The following ZSWIM8 variants were observed in gnomAD, a reference collection of about 807,000 sequenced individuals.
ZSWIM8 encodes the protein zinc finger SWIM domain-containing protein 8.
In ZSWIM8, 27 loss-of-function variants were observed where a neutral mutation model predicts 173.7. The ratio of observed to expected loss-of-function variants is 0.16; its 90% confidence interval spans 0.11 to 0.21. The LOEUF (loss-of-function observed/expected upper bound fraction) is 0.21. ZSWIM8 is among the 10% of genes least tolerant of loss of function. ZSWIM8 has a pLI of 1.00. For missense variants in ZSWIM8, 1,627 were observed against 2,428.8 expected (o/e 0.67, Z 6.94); for synonymous variants, 958 against 962.0 (o/e 1.00, Z 0.08).
chr10:73,796,403 G>A (rs1213238571), intron 15 of ZSWIM8: 2 of 410,310 alleles, frequency 4.9e-6, no homozygotes, highest in Admixed American at 3.5e-5. Flanking sequence ...GCCCATAGGA[G>A]GTAAGTAGGG....
Position 73,792,670 on chromosome 10 carries a change from G to A in ZSWIM8, c.2131G>A (p.Gly711Arg), listed in dbSNP as rs1445038558. ...CCCTTCTACAGATGAGAGTGGCAAT[G>A]GGCTTCCCAAAACCAAAGAGGCAGC... is the stretch of plus-strand genomic sequence containing the variant. Reference protein sequence around the residue: ...DLPSTDESGNGLPKTKEAAPA... With the variant: ...DLPSTDESGNRLPKTKEAAPA... The change falls in exon 10 of 26, where the codon GGG becomes AGG. Residue 711 changes from glycine (G) to arginine (R), a missense_variant. Gly to Arg is a moderately radical substitution (Grantham distance 125, BLOSUM62 -2). Transcript: ENST00000604729. This position sits in a 1 kb window ranked among gnomAD's most constrained non-coding sequence, Gnocchi z 4.3. 12 of 1,614,022 alleles carry A rather than the reference G, an allele frequency of 7.4e-6. No homozygotes were observed. The highest frequency in any genetic ancestry group is 2.2e-5 in the East Asian group (1 of 44,884).
Position 73,791,050 on chromosome 10 carries a change from G to A in ZSWIM8, c.1017G>A (p.Leu339=). The part of the protein sequence containing the change: ...AAEWACLLRP[L]RGREPEGVWN... ...AATGGGCATGTCTGCTGCGCCCTCT[G>A]AGGGGCCGTGAGCCAGAGGGCGTCT... The change falls in exon 8 of 26, where the codon CTG becomes CTA. Residue 339 remains leucine (L), a synonymous_variant. Transcript: ENST00000604729. This position sits in a 1 kb window ranked among gnomAD's most constrained non-coding sequence, Gnocchi z 6.0. The A allele has an allele frequency of 6.2e-7, 1 of 1,613,902 alleles. No individual in the cohort carries two copies. Among genetic ancestry groups the A allele is most frequent in the Non-Finnish European group, 8.5e-7 (1 of 1,179,894 alleles).
Position 73,796,999 on chromosome 10 carries a change from GAGA to G in ZSWIM8, c.3264_3266del (p.Lys1088del), listed in dbSNP as rs752318707. ...GCCAGGCCCCACTGAGGGCTTCACA[GAGA>G]AGAATGTGCCTGGTGAGGTGGGGGC... On this transcript the variant is annotated inframe_deletion, in exon 16 of 26. Coordinates refer to ENST00000604729, the MANE Select transcript of ZSWIM8 (RefSeq NM_001367799.1). 2 of 1,611,066 alleles carry G rather than the reference GAGA, an allele frequency of 1.2e-6. No homozygotes were observed. The highest frequency in any genetic ancestry group is 4.5e-5 in the East Asian group (2 of 44,812).
chr10:73,797,168 A>G lies in ZSWIM8; in HGVS notation c.3330A>G (p.Pro1110=). Residue 1110 remains proline, a synonymous_variant, in exon 17 of 26, where the codon CCA becomes CCG. Transcript: ENST00000604729. This position sits in a 1 kb window ranked among gnomAD's most constrained non-coding sequence, Gnocchi z 5.6. ...EGLPSEAALT[P]RPEGKVPSRL... ...TTCCATCTGAGGCAGCTTTGACCCCAAGGCCAGAAGGGAAGGTTCCTAGCC... is the reference window on the plus strand; with the variant it reads ...TTCCATCTGAGGCAGCTTTGACCCCGAGGCCAGAAGGGAAGGTTCCTAGCC... The G allele has an allele frequency of 6.2e-7, 1 of 1,613,874 alleles. No individual in the cohort carries two copies. The highest frequency in any genetic ancestry group is 1.6e-4 in the Middle Eastern group (1 of 6,062).
Position 73,792,533 on chromosome 10 carries a change from A to G in ZSWIM8, c.1994A>G (p.Asp665Gly), listed in dbSNP as rs1406040169. Residue 665 changes from aspartate to glycine, a missense_variant, in exon 10 of 26, where the codon GAT becomes GGT. By Grantham distance (94) the Asp-to-Gly change is moderately conservative. This residue lies in a region of ZSWIM8 where 383 missense variants were observed against 394.8 expected (regional missense o/e 0.97). Transcript: ENST00000604729. This position sits in a 1 kb window ranked among gnomAD's most constrained non-coding sequence, Gnocchi z 4.3. ...TCCACTTTCCTTCCTGAGCCCCCAGATACTTATGAAGAAGATGGTGGTGTG... is the reference window on the plus strand; with the variant it reads ...TCCACTTTCCTTCCTGAGCCCCCAGGTACTTATGAAGAAGATGGTGGTGTG... ...GPSTFLPEPP[D>G]TYEEDGGVYF... The G allele has an allele frequency of 1.9e-6, 3 of 1,613,828 alleles. No individual in the cohort carries two copies. The highest frequency in any genetic ancestry group is 2.5e-6 in the Non-Finnish European group (3 of 1,179,866).
intron 19 of ZSWIM8, 48 bp from the exon 20 acceptor site, chr10:73,798,182 G>C (rs375595579): frequency 1.2e-6 from 2 of 1,606,946 alleles, no homozygotes; most frequent in African/African-American, 1.3e-5. Context: ...TCACACCCCA[G>C]TGGTGCCCAC....
intron 1 of ZSWIM8, among the ~76,000 whole-genome samples, chr10:73,788,268 A>T (rs3911887): frequency 6.6e-6 from 1 of 151,458 alleles, no homozygotes; most frequent in Non-Finnish European, 1.5e-5. Context: ...GCAATCGGAG[A>T]CAAGAATGCC....
chr10:73,785,803 C>T lies in ZSWIM8; in HGVS notation c.-76C>T, dbSNP rs1300227828. On this transcript the variant is annotated 5_prime_UTR_variant, in exon 1 of 26. Transcript: ENST00000604729. ...CCGGCTCGCCCCTCAGGCCCCGGGC[C>T]TCCCCTCAACCCCCGGCCGGCGGCC... 1 of 1,446,050 alleles carries T rather than the reference C, an allele frequency of 6.9e-7. No homozygotes were observed. Among genetic ancestry groups the T allele is most frequent in the Non-Finnish European group, 9.2e-7 (1 of 1,087,592 alleles). 89.6% of individuals were successfully genotyped at this position (1,446,050 alleles called of 1,614,324 possible). A position where few individuals can be genotyped will look rare whatever the true frequency, so the allele number is the denominator to read the frequency against.
chr10:73,799,679 C>T, intron 21 of ZSWIM8, 189 bp downstream of exon 21: 1 of 830,652 alleles, frequency 1.2e-6, no homozygotes, highest in Non-Finnish European at 1.9e-6. Context: ...GCCTGTAATC[C>T]CAGCACTTTG....
chr10:73,789,907 G>A lies in ZSWIM8; in HGVS notation c.739-49G>A. The A allele has an allele frequency of 1.3e-6, 2 of 1,595,180 alleles. No homozygotes were observed. Among genetic ancestry groups the A allele is most frequent in the East Asian group, 2.3e-5 (1 of 43,974 alleles). On this transcript the variant is annotated intron_variant, in intron 5 of 25. Coordinates refer to ENST00000604729, the MANE Select transcript of ZSWIM8 (RefSeq NM_001367799.1). This position sits in a 1 kb window ranked among gnomAD's most constrained non-coding sequence, Gnocchi z 6.8. ...CTTCCTGTTAGGCCCAGGCCTCCAT[G>A]GGTTCACCTAGGCCGTGTTCTGCCT...
chr10:73,799,601 AGGT>A lies in ZSWIM8; in HGVS notation c.4665+117_4665+119del, dbSNP rs1487203939. The A allele has an allele frequency of 4.9e-6, 7 of 1,437,532 alleles. No homozygotes were observed. In the African/African-American group the frequency reaches 7.1e-5, roughly 14 times the overall value. 89.0% of individuals were successfully genotyped at this position (1,437,532 alleles called of 1,614,324 possible). A position where few individuals can be genotyped will look rare whatever the true frequency, so the allele number is the denominator to read the frequency against. On this transcript the variant is annotated intron_variant, in intron 21 of 25. Coordinates refer to ENST00000604729, the MANE Select transcript of ZSWIM8 (RefSeq NM_001367799.1). ...ATTGGTCAGTCGGAGAGTCCTGGTG[AGGT>A]GGTGGGAGTCTGGGGGACCCAGCCC...
Position 73,789,199 on chromosome 10 carries a change from G to A in ZSWIM8, c.457+9G>A, listed in dbSNP as rs1310755046. ...GGACCCATTGCAGATAGGTGAGTGG[G>A]CCATCATGCCATGTGGCACATCCTG... is the stretch of plus-strand genomic sequence containing the variant. On this transcript the variant is annotated intron_variant, in intron 3 of 25. Transcript: ENST00000604729. The surrounding 1 kb of genome is among the most constrained non-coding windows in gnomAD (Gnocchi z 6.8). The A allele has an allele frequency of 6.2e-7, 1 of 1,613,808 alleles. No homozygotes were observed. Among genetic ancestry groups the A allele is most frequent in the Middle Eastern group, 1.6e-4 (1 of 6,062 alleles).
chr10:73,797,957 G>A lies in ZSWIM8; in HGVS notation c.3839G>A (p.Arg1280His), dbSNP rs2132780400. Residue 1280 changes from arginine (R) to histidine (H), a missense_variant, in exon 19 of 26, where the codon CGC becomes CAC. Physicochemically the swap from Arg to His is conservative, Grantham distance 29. Coordinates refer to ENST00000604729, the MANE Select transcript of ZSWIM8 (RefSeq NM_001367799.1). This position sits in a 1 kb window ranked among gnomAD's most constrained non-coding sequence, Gnocchi z 5.6. The stretch of plus-strand genomic sequence containing the variant: ...TCAGGGGGCCACCAGGGTCCTCACC[G>A]CAACCTGCACCTTTGCGCCTTCGAG... Reference protein sequence around the residue: ...SSSGGHQGPHRNLHLCAFEIG... With the variant: ...SSSGGHQGPHHNLHLCAFEIG... The A allele has an allele frequency of 3.1e-6, 5 of 1,613,964 alleles. No homozygotes were observed. Among genetic ancestry groups the A allele is most frequent in the Non-Finnish European group, 3.4e-6 (4 of 1,179,890 alleles).
Position 73,800,234 on chromosome 10 carries a change from A to G in ZSWIM8, c.4826-62A>G, listed in dbSNP as rs1345333399. 1 of 1,611,160 alleles carries G rather than the reference A, an allele frequency of 6.2e-7. No individual in the cohort carries two copies. The highest frequency in any genetic ancestry group is 1.7e-5 in the Admixed American group (1 of 59,962). On this transcript the variant is annotated intron_variant, in intron 22 of 25. Coordinates refer to ENST00000604729, the MANE Select transcript of ZSWIM8 (RefSeq NM_001367799.1). This position sits in a 1 kb window ranked among gnomAD's most constrained non-coding sequence, Gnocchi z 4.1. Reference sequence around the variant, plus strand: ...GGCACACTGGGCAGGGGAGGTGGGGAGGGAATGTTCTTTGTCTCTCTTTGG... The same window carrying G: ...GGCACACTGGGCAGGGGAGGTGGGGGGGGAATGTTCTTTGTCTCTCTTTGG...
chr10:73,793,932 C>T lies in ZSWIM8; in HGVS notation c.2513C>T (p.Ala838Val). 6.2e-7 allele frequency: 1 copy of T among 1,613,498 alleles called. No homozygotes were observed. Among genetic ancestry groups the T allele is most frequent in the Non-Finnish European group, 8.5e-7 (1 of 1,179,720 alleles). The change falls in exon 12 of 26, where the codon GCC (alanine) becomes GTC (valine). Residue 838 changes from alanine (A) to valine (V), a missense_variant. Coordinates refer to ENST00000604729, the MANE Select transcript of ZSWIM8 (RefSeq NM_001367799.1). ...GCTACCAACACCCTGAGCAAGGCGGCCTTCCTGTTGACAGTGCTAAGTGAG... is the reference window on the plus strand; with the variant it reads ...GCTACCAACACCCTGAGCAAGGCGGTCTTCCTGTTGACAGTGCTAAGTGAG... ...WVATNTLSKA[A>V]FLLTVLSERP...
In ZSWIM8 at chr10:73,801,579, C is replaced by G. The variant is rs1454026884; in HGVS notation, c.*60C>G. 6.3e-7 allele frequency: 1 copy of G among 1,585,136 alleles called. No individual in the cohort carries two copies. The highest frequency in any genetic ancestry group is 1.1e-5 in the South Asian group (1 of 88,342). On this transcript the variant is annotated 3_prime_UTR_variant, in exon 26 of 26. Transcript: ENST00000604729. This position sits in a 1 kb window ranked among gnomAD's most constrained non-coding sequence, Gnocchi z 4.9. ...GGCCTGTGGCTATGGGGGCCCCTCACACAGGGGGAGTGAAACTTGGCTGGA... is the reference window on the plus strand; with the variant it reads ...GGCCTGTGGCTATGGGGGCCCCTCAGACAGGGGGAGTGAAACTTGGCTGGA...
chr10:73,799,873 ACTGCACTCCAGC>A, intron 21 of ZSWIM8, 126 bp from the exon 22 acceptor site: 1 of 838,360 alleles, frequency 1.2e-6, no homozygotes, highest in Non-Finnish European at 1.8e-6. Context: ...ATATCGTGCC[ACTGCACTCCAGC>A]CTGGAGGACA....
rs1313793422 is a variant in ZSWIM8 at position 73,798,085 on chromosome 10, C to T, written c.3952+15C>T. 1.2e-6 allele frequency: 2 copies of T among 1,611,588 alleles called. No individual in the cohort carries two copies. The highest frequency in any genetic ancestry group is 8.5e-7 in the Non-Finnish European group (1 of 1,178,152). On this transcript the variant is annotated intron_variant, in intron 19 of 25. Coordinates refer to ENST00000604729, the MANE Select transcript of ZSWIM8 (RefSeq NM_001367799.1). Reference sequence around the variant, plus strand: ...CTGGATTACAGGTAAATCATTTGACCTGACTTGGGTATGGGAGGGGGATTA... The same window carrying T: ...CTGGATTACAGGTAAATCATTTGACTTGACTTGGGTATGGGAGGGGGATTA...
chr10:73,793,597 G>A lies in ZSWIM8; in HGVS notation c.2323G>A (p.Ala775Thr). ...CATGTCCTCCTTCCAGGTACTGTTTGCCTGTGCTGAGGCCCTGCATGCGCA... is the reference window on the plus strand; with the variant it reads ...CATGTCCTCCTTCCAGGTACTGTTTACCTGTGCTGAGGCCCTGCATGCGCA... ...EQESRMEVLF[A>T]CAEALHAHGY... Residue 775 changes from alanine to threonine, a missense_variant, in exon 11 of 26, where the codon GCC becomes ACC. Around this residue, in one of 18 missense-constraint regions of ZSWIM8, gnomAD observed 383 missense variants for 394.8 expected, o/e 0.97. Coordinates refer to ENST00000604729, the MANE Select transcript of ZSWIM8 (RefSeq NM_001367799.1). 1 of 1,594,270 alleles carries A rather than the reference G, an allele frequency of 6.3e-7. No homozygotes were observed. The highest frequency in any genetic ancestry group is 8.5e-7 in the Non-Finnish European group (1 of 1,170,050).
Sources: gnomAD v4.1 joint callset for allele counts (sites outside exome capture counted in the v4.1 genomes callset) on GRCh38, gnomAD v4.1.1 for gene constraint, gnomAD v4.1.1 regional missense constraint, Gnocchi (gnomAD v3.1) non-coding constraint, MANE v1.5 for transcripts, NCBI Gene and HGNC (gene_info 2026-07-23, HGNC 2026-07-21) for gene names.